KCTD16: variants seen among roughly 807,000 people sequenced by gnomAD.
KCTD16 encodes BTB/POZ domain-containing protein KCTD16.
KCTD16 carries 13 observed loss-of-function variants against 33.2 expected under a neutral mutation model. The observed-to-expected ratio is 0.39, with a 90% CI of 0.25 to 0.62. The LOEUF (loss-of-function observed/expected upper bound fraction) is 0.62. KCTD16 is among the 20% of genes least tolerant of loss of function. The probability of loss-of-function intolerance (pLI) is 0.50; values close to 1 mark genes in which losing one functional copy is unlikely to be tolerated. For missense variants in KCTD16, 441 were observed against 525.1 expected (o/e 0.84, Z 1.57); for synonymous variants, 197 against 195.3 (o/e 1.01, Z -0.07).
chr5:144,310,267 A>T (rs983253829), intron 3 of KCTD16, among the ~76,000 whole-genome samples: 1 of 152,192 alleles, frequency 6.6e-6, no homozygotes, highest in African/African-American at 2.4e-5. Flanking sequence ...ACCACTGTGT[A>T]TGTGTACCAC....
At chr5:144,411,103 C>T (rs940647360) in intron 3 of KCTD16, among the ~76,000 whole-genome samples, 3 of 152,198 alleles carry the variant, frequency 2.0e-5, no homozygotes, top group African/African-American at 7.2e-5. Flanking sequence ...TAAAATGACA[C>T]TACTAACAAA....
At chr5:144,192,079 T>A (rs186072226) in intron 2 of KCTD16, among the ~76,000 whole-genome samples, 53 of 152,294 alleles carry the variant, frequency 3.5e-4, no homozygotes, top group African/African-American at 1.3e-3. Flanking sequence ...ATCTCATTGC[T>A]GACTTTGGGA....
chr5:144,285,500 A>C (rs1003527504), intron 3 of KCTD16, among the ~76,000 whole-genome samples: 1 of 152,156 alleles, frequency 6.6e-6, no homozygotes, highest in African/African-American at 2.4e-5. Flanking sequence ...CTTATGTAGC[A>C]TCAAAGGGCC....
intron 3 of KCTD16, among the ~76,000 whole-genome samples, chr5:144,346,777 T>C (rs535924164): frequency 6.6e-6 from 1 of 152,346 alleles, no homozygotes; most frequent in East Asian, 1.9e-4. Flanking sequence ...GATAGGTAGT[T>C]TGCAGATATT....
intron 3 of KCTD16, among the ~76,000 whole-genome samples, chr5:144,299,133 TATATATATA>T (rs1751330766): frequency 9.3e-5 from 3 of 32,206 alleles, no homozygotes; most frequent in African/African-American, 2.7e-4. Context: ...TATATATATA[TATATATATA>T]TATATATTTT....
intron 3 of KCTD16, among the ~76,000 whole-genome samples, chr5:144,399,080 C>G (rs1456324892): frequency 6.6e-6 from 1 of 152,126 alleles, no homozygotes; most frequent in Non-Finnish European, 1.5e-5. Context: ...CTAGTGTTGA[C>G]TGAACTCCTA....
At chr5:144,319,325 G>C (rs1222653982) in intron 3 of KCTD16, among the ~76,000 whole-genome samples, 1 of 151,792 alleles carries the variant, frequency 6.6e-6, no homozygotes, top group Non-Finnish European at 1.5e-5. Context: ...ACAGCTAGTT[G>C]TGTGAGATCT....
chr5:144,209,301 G>A (rs1020938358), intron 3 of KCTD16, among the ~76,000 whole-genome samples: 2 of 152,080 alleles, frequency 1.3e-5, no homozygotes, highest in Admixed American at 6.5e-5. Flanking sequence ...GTTCATCAAA[G>A]GCTCATCTGT....
At chr5:144,254,719 A>G (rs2126834420) in intron 3 of KCTD16, among the ~76,000 whole-genome samples, 1 of 151,988 alleles carries the variant, frequency 6.6e-6, no homozygotes, top group East Asian at 1.9e-4. Context: ...CCTTGATTCT[A>G]TGACCTTGAG....
chr5:144,232,757 T>C (rs891067398), intron 3 of KCTD16, among the ~76,000 whole-genome samples: 1 of 152,156 alleles, frequency 6.6e-6, no homozygotes, highest in African/African-American at 2.4e-5. Flanking sequence ...AAGGAAACAG[T>C]AAAATTAACT....
Position 144,235,269 on chromosome 5 carries a change from C to T in KCTD16, c.832+27723C>T, listed in dbSNP as rs574307956. 1.8e-4 allele frequency among the ~76,000 whole-genome samples: 28 copies of T among 152,224 alleles called. 1 individual carries two copies. The South Asian group carries it at 5.6e-3, about 30-fold the overall frequency. On this transcript the variant is annotated intron_variant, in intron 3 of 3. Coordinates refer to ENST00000512467, the MANE Select transcript of KCTD16 (RefSeq NM_020768.4). ...ATACTCATTAAAATCTAATGCCTTTCCTTTTCATGGAGGTTCTATGTGCCT... is the reference window on the plus strand; with the variant it reads ...ATACTCATTAAAATCTAATGCCTTTTCTTTTCATGGAGGTTCTATGTGCCT...
chr5:144,343,086 G>A lies in KCTD16; in HGVS notation c.833-130574G>A, dbSNP rs554097010. ...AGGCTTTGGTATCAGGATGATGTTG[G>A]CCTCATAAAATGAGTTAGGGAGGAT... is the stretch of plus-strand genomic sequence containing the variant. On this transcript the variant is annotated intron_variant, in intron 3 of 3. Coordinates refer to ENST00000512467, the MANE Select transcript of KCTD16 (RefSeq NM_020768.4). Among the ~76,000 whole-genome samples, 77 of 152,234 alleles carry A rather than the reference G, an allele frequency of 5.1e-4. 1 individual carries two copies. Among genetic ancestry groups the A allele is most frequent in the Middle Eastern group, 3.4e-3 (1 of 294 alleles).
intron 3 of KCTD16, among the ~76,000 whole-genome samples, chr5:144,405,541 T>C (rs868322888): frequency 6.6e-6 from 1 of 152,180 alleles, no homozygotes; most frequent in Non-Finnish European, 1.5e-5. Context: ...GCTTGAAGAC[T>C]CTTCTTTAGA....
At chr5:144,216,959 C>T (rs909241486) in intron 3 of KCTD16, among the ~76,000 whole-genome samples, 5 of 152,006 alleles carry the variant, frequency 3.3e-5, no homozygotes, top group African/African-American at 1.2e-4. Flanking sequence ...GACAGCTAAG[C>T]TCTGGTAGTG....
At chr5:144,261,039 G>T (rs1405006113) in intron 3 of KCTD16, among the ~76,000 whole-genome samples, 1 of 151,306 alleles carries the variant, frequency 6.6e-6, no homozygotes, top group African/African-American at 2.4e-5. Flanking sequence ...TTGATGAAAC[G>T]ACCCCAATTG....
chr5:144,312,163 A>G (rs1207706362), intron 3 of KCTD16, among the ~76,000 whole-genome samples: 15 of 152,190 alleles, frequency 9.9e-5, no homozygotes, highest in Admixed American at 9.8e-4. Context: ...CCCAAATCAA[A>G]GAAATAGGAA....
intron 3 of KCTD16, among the ~76,000 whole-genome samples, chr5:144,238,766 A>G (rs1450007010): frequency 6.6e-6 from 1 of 152,142 alleles, no homozygotes; most frequent in Non-Finnish European, 1.5e-5. Flanking sequence ...AACTCATTTG[A>G]GCTTTTTTGG....
At chr5:144,315,030 C>T (rs148870733) in intron 3 of KCTD16, among the ~76,000 whole-genome samples, 5 of 152,284 alleles carry the variant, frequency 3.3e-5, no homozygotes, top group African/African-American at 9.6e-5. Context: ...AGGATCCAAC[C>T]GTTGTCCTTT....
chr5:144,299,925 A>T (rs1171098022), intron 3 of KCTD16, among the ~76,000 whole-genome samples: 4 of 151,898 alleles, frequency 2.6e-5, no homozygotes, highest in Non-Finnish European at 5.9e-5. Flanking sequence ...ACAAAAAACA[A>T]AAAACAAAAA....
Sources: allele counts gnomAD v4.1 joint callset (sites outside exome capture counted in the v4.1 genomes callset), GRCh38; gene constraint gnomAD v4.1.1; transcripts MANE v1.5; gene names NCBI Gene and HGNC (gene_info 2026-07-23, HGNC 2026-07-21).